TMEM154: variants seen among roughly 807,000 people sequenced by gnomAD.
TMEM154 encodes transmembrane protein 154.
A neutral mutation model predicts 24.5 loss-of-function variants in TMEM154; 27 were observed. The ratio of observed to expected loss-of-function variants is 1.10; its 90% CI spans 0.81 to 1.52. TMEM154 has a LOEUF of 1.52. TMEM154 is among the 40% of genes most tolerant of loss of function. TMEM154 has a pLI of 0.00. For synonymous variants in TMEM154, 67 were observed against 76.8 expected (o/e 0.87, Z 0.67); for missense variants, 228 against 213.4 (o/e 1.07, Z -0.43).
intron 1 of TMEM154, among the ~76,000 whole-genome samples, chr4:152,653,577 A>G (rs1728431431): frequency 6.6e-6 from 1 of 151,328 alleles, no homozygotes; most frequent in African/African-American, 2.4e-5. Context: ...TTTAGTAGAG[A>G]CAGGGTTTCA....
At chr4:152,669,017 C>T (rs534950520) in intron 1 of TMEM154, 1 of 152,320 alleles carries the variant, frequency 6.6e-6, no homozygotes, top group South Asian at 2.1e-4. Context: ...ATTTTCCTAT[C>T]GTGGCTGGAG....
At chr4:152,637,352 C>T (rs577459498) in intron 6 of TMEM154, among the ~76,000 whole-genome samples, 41 of 152,098 alleles carry the variant, frequency 2.7e-4, no homozygotes, top group African/African-American at 9.9e-4. Context: ...TCAAGGCCAG[C>T]CTGACCAATG....
At chr4:152,638,623 T>C (rs1465107400) in intron 6 of TMEM154, among the ~76,000 whole-genome samples, 1 of 152,242 alleles carries the variant, frequency 6.6e-6, no homozygotes, top group Non-Finnish European at 1.5e-5. Context: ...CCAGTGCTTA[T>C]TGAGAACTTA....
intron 3 of TMEM154, among the ~76,000 whole-genome samples, chr4:152,647,558 C>T (rs1728281346): frequency 6.6e-6 from 1 of 151,926 alleles, no homozygotes; most frequent in Non-Finnish European, 1.5e-5. Context: ...TAAAGTTAGG[C>T]ATATTTAAGG....
intron 6 of TMEM154, among the ~76,000 whole-genome samples, chr4:152,631,370 T>A (rs182855397): frequency 6.6e-6 from 1 of 152,376 alleles, no homozygotes; most frequent in East Asian, 1.9e-4. Flanking sequence ...GCTTAGTTGG[T>A]AATTTTAATT....
intron 1 of TMEM154, among the ~76,000 whole-genome samples, chr4:152,660,243 C>G (rs1221634467): frequency 6.6e-6 from 1 of 151,998 alleles, no homozygotes; most frequent in African/African-American, 2.4e-5. Context: ...TAACCTTGGC[C>G]AGTGAAGACT....
intron 3 of TMEM154, chr4:152,647,098 G>T: frequency 2.7e-6 from 3 of 1,127,982 alleles, no homozygotes; most frequent in Non-Finnish European, 3.9e-6. Flanking sequence ...ATCAGATGAA[G>T]TGTTCTAAAA....
chr4:152,678,555 G>C (rs112626444), intron 1 of TMEM154, among the ~76,000 whole-genome samples: 4,317 of 149,854 alleles, frequency 0.029, 240 homozygotes, highest in African/African-American at 0.1. Flanking sequence ...CAGTGGTGGT[G>C]GGGGGTGGAG....
At position 152,621,558 on chromosome 4, in the gene TMEM154, A is replaced by C. The variant is rs1751844311; in HGVS notation, c.*6988T>G. 1 of 152,196 alleles carries C rather than the reference A, an allele frequency of 6.6e-6. No homozygotes were observed. Among genetic ancestry groups the C allele is most frequent in the Non-Finnish European group, 1.5e-5 (1 of 68,034 alleles). 9.4% of individuals were successfully genotyped at this position (152,196 alleles called of 1,614,324 possible). A position where few individuals can be genotyped will look rare whatever the true frequency, so the allele number is the denominator to read the frequency against. ...GGGTAGATTGATGCCATAATGGACC[A>C]GGTTTAACTTTAGTTGAGACTTTTA... On this transcript the variant is annotated 3_prime_UTR_variant, in exon 7 of 7. Coordinates refer to ENST00000304385, the MANE Select transcript of TMEM154 (RefSeq NM_152680.3).
intron 1 of TMEM154, among the ~76,000 whole-genome samples, chr4:152,660,902 T>A (rs990248396): frequency 6.6e-6 from 1 of 152,118 alleles, no homozygotes; most frequent in African/African-American, 2.4e-5. Flanking sequence ...TTTCAGCACC[T>A]CTCTGAGGAA....
Position 152,618,731 on chromosome 4 carries a change from T to A in TMEM154, c.*9815A>T, listed in dbSNP as rs1014996382. The stretch of plus-strand genomic sequence containing the variant: ...GGGCCACTTTCTCTCCACCTCCACT[T>A]GCTTGTTAGTTCAATTATGATCGTT... On this transcript the variant is annotated 3_prime_UTR_variant, in exon 7 of 7. Transcript: ENST00000304385. 2 of 152,210 alleles carry A rather than the reference T, an allele frequency of 1.3e-5. No individual in the cohort carries two copies. Among genetic ancestry groups the A allele is most frequent in the African/African-American group, 4.8e-5 (2 of 41,438 alleles). 9.4% of individuals were successfully genotyped at this position (152,210 alleles called of 1,614,324 possible). A position where few individuals can be genotyped will look rare whatever the true frequency, so the allele number is the denominator to read the frequency against.
intron 1 of TMEM154, among the ~76,000 whole-genome samples, chr4:152,660,232 G>A (rs1241705600): frequency 6.6e-6 from 1 of 152,074 alleles, no homozygotes; most frequent in Non-Finnish European, 1.5e-5. Flanking sequence ...GTTTTCACTG[G>A]TAACCTTGGC....
intron 1 of TMEM154, among the ~76,000 whole-genome samples, chr4:152,673,169 T>A (rs1728881247): frequency 6.6e-6 from 1 of 152,188 alleles, no homozygotes; most frequent in Non-Finnish European, 1.5e-5. Flanking sequence ...TTCAAACATG[T>A]CTATGTCCCT....
Position 152,625,493 on chromosome 4 carries a change from A to C in TMEM154, c.*3053T>G, listed in dbSNP as rs1751901703. ...AGGTCAGGAGTTTGAGACCAGCCTG[A>C]CCAACATGGTGAAAACCCCATCTCT... On this transcript the variant is annotated 3_prime_UTR_variant, in exon 7 of 7. Transcript: ENST00000304385. The C allele has an allele frequency of 6.6e-6, 1 of 150,410 alleles. No individual in the cohort carries two copies. The highest frequency in any genetic ancestry group is 2.5e-5 in the African/African-American group (1 of 40,806). 9.3% of individuals were successfully genotyped at this position (150,410 alleles called of 1,614,324 possible).
intron 5 of TMEM154, among the ~76,000 whole-genome samples, chr4:152,642,511 G>T (rs1272561339): frequency 6.6e-6 from 1 of 151,978 alleles, no homozygotes; most frequent in Middle Eastern, 3.2e-3. Context: ...TGTTATATGG[G>T]GTATGTATAT....
chr4:152,640,987 T>TAA lies in TMEM154; in HGVS notation c.479-3_479-2insTT, dbSNP rs1752247554. The TAA allele has an allele frequency of 3.7e-6, 6 of 1,607,482 alleles. No homozygotes were observed. The Admixed American group carries it at 5.1e-5, about 14-fold the overall frequency. ...AGGTAGGTAAACATTCAAAGTCGGC[T>TAA]AGGACAGAATAAAAGCAAACTCATT... On this transcript the variant is annotated splice_region_variant and splice_polypyrimidine_tract_variant and intron_variant, in intron 5 of 6. Transcript: ENST00000304385.
chr4:152,669,434 T>G (rs973556470), intron 1 of TMEM154: 8 of 152,222 alleles, frequency 5.3e-5, no homozygotes, highest in Non-Finnish European at 1.0e-4. Context: ...GAAACATTTT[T>G]AGTTACATGT....
chr4:152,654,529 T>C (rs1434539471), intron 1 of TMEM154, among the ~76,000 whole-genome samples: 2 of 152,192 alleles, frequency 1.3e-5, no homozygotes, highest in Non-Finnish European at 2.9e-5. Flanking sequence ...AATTCATATA[T>C]TGAAGCCCTA....
intron 3 of TMEM154, among the ~76,000 whole-genome samples, chr4:152,645,490 T>A (rs1579517377): frequency 6.6e-6 from 1 of 152,376 alleles, no homozygotes; most frequent in South Asian, 2.1e-4. Context: ...CTGTTTCATT[T>A]GGCAGGAGAA....
Sources: gnomAD v4.1 joint callset for allele counts (sites outside exome capture counted in the v4.1 genomes callset) on GRCh38, gnomAD v4.1.1 for gene constraint, MANE v1.5 for transcripts, NCBI Gene and HGNC (gene_info 2026-07-23, HGNC 2026-07-21) for gene names.